SCNN1D: variants seen among roughly 807,000 people sequenced by gnomAD.
SCNN1D encodes the protein epithelial sodium channel subunit delta.
Under a neutral mutation model 87.8 loss-of-function variants are expected in SCNN1D, and 104 were observed. That is an observed-to-expected ratio of 1.18 (90% CI 1.01 to 1.39). The LOEUF (loss-of-function observed/expected upper bound fraction) is 1.39. SCNN1D is among the 40% of genes most tolerant of loss of function. The pLI is 0.00. For missense variants in SCNN1D, 1,324 were observed against 1,093.9 expected (o/e 1.21, Z -2.97); for synonymous variants, 628 against 481.2 (o/e 1.31, Z -3.99).
At chr1:1,284,338 CG>C (rs1159306858) in intron 5 of SCNN1D, among the ~76,000 whole-genome samples, 7 of 79,728 alleles carry the variant, frequency 8.8e-5, no homozygotes, top group South Asian at 3.8e-4. Flanking sequence ...GTGGGGCTGG[CG>C]GGGGGGCTCC....
At chr1:1,287,373 G>A in intron 9 of SCNN1D, 74 bp downstream of exon 9, 2 of 1,494,524 alleles carry the variant, frequency 1.3e-6, no homozygotes, top group Non-Finnish European at 1.8e-6. Context: ...GGGTCCCTCT[G>A]GCTGTATGCT....
At chr1:1,283,613 G>A (rs934622983) in intron 4 of SCNN1D, among the ~76,000 whole-genome samples, 1 of 152,180 alleles carries the variant, frequency 6.6e-6, no homozygotes, top group Non-Finnish European at 1.5e-5. Context: ...CAGGAGAATT[G>A]CTTCAACTCG....
Position 1,291,388 on chromosome 1 carries a change from C to G in SCNN1D, c.2187C>G (p.Leu729=). The change falls in exon 18 of 18, where the codon CTC becomes CTG. Residue 729 remains leucine, a synonymous_variant. Coordinates refer to ENST00000379116, the MANE Select transcript of SCNN1D (RefSeq NM_001130413.4). The stretch of plus-strand genomic sequence containing the variant: ...CCCTGGTGCTAGGCGGCCGCCGGCT[C>G]CGCAGGGCGTGGTTCTCCTGGCCCA... ...ALTLVLGGRR[L]RRAWFSWPRA... is the part of the protein sequence containing the mutation. 2 of 1,608,750 alleles carry G rather than the reference C, an allele frequency of 1.2e-6. No homozygotes were observed. Among genetic ancestry groups the G allele is most frequent in the Non-Finnish European group, 1.7e-6 (2 of 1,178,572 alleles).
chr1:1,287,171 G>C lies in SCNN1D; in HGVS notation c.1182G>C (p.Gln394His). The C allele has an allele frequency of 6.2e-7, 1 of 1,612,074 alleles. No individual in the cohort carries two copies. Among genetic ancestry groups the C allele is most frequent in the Non-Finnish European group, 8.5e-7 (1 of 1,179,472 alleles). ...RGYTSGVAAVQDWYHFHYVDI... is the reference protein window; with the variant it reads ...RGYTSGVAAVHDWYHFHYVDI... ...ACACGTCAGGCGTGGCGGCTGTCCAGGACTGGTACCACTTCCACTATGTGG... is the reference window on the plus strand; with the variant it reads ...ACACGTCAGGCGTGGCGGCTGTCCACGACTGGTACCACTTCCACTATGTGG... The change falls in exon 9 of 18, where the codon CAG becomes CAC. Residue 394 changes from glutamine to histidine, a missense_variant. Transcript: ENST00000379116.
rs374208671 is a variant in SCNN1D, at chr1:1,284,073, G to C, written c.447G>C (p.Gly149=). 59 of 1,189,032 alleles carry C rather than the reference G, an allele frequency of 5.0e-5. No homozygotes were observed. In the African/African-American group the frequency reaches 9.7e-4, roughly 20 times the overall value. The allele number at this position is 1,189,032 out of a possible 1,614,324, so 73.7% of individuals were successfully genotyped here. Residue 149 remains glycine (G), a synonymous_variant, in exon 5 of 18, where the codon GGG becomes GGC. Transcript: ENST00000379116. ...AWTGEWKQPH[G]GALTSRSPGP... The stretch of plus-strand genomic sequence containing the variant: ...CGGGAGAATGGAAGCAGCCACACGG[G>C]GGGGCTCTCACCTCCAGGTACCGTG...
chr1:1,284,546 C>T (rs1279136131), intron 5 of SCNN1D, among the ~76,000 whole-genome samples: 2 of 144,626 alleles, frequency 1.4e-5, no homozygotes, highest in South Asian at 2.2e-4. Context: ...TGCTGGACCA[C>T]GGGGGGTGCA....
At position 1,291,706 on chromosome 1, in the gene SCNN1D, GC is replaced by G; in HGVS notation, c.*99del. 2.2e-6 allele frequency: 2 copies of G among 926,000 alleles called. No individual in the cohort carries two copies. The highest frequency in any genetic ancestry group is 3.1e-6 in the Non-Finnish European group (2 of 642,866). 57.4% of individuals were successfully genotyped at this position (926,000 alleles called of 1,614,324 possible). A position where few individuals can be genotyped will look rare whatever the true frequency, so the allele number is the denominator to read the frequency against. On this transcript the variant is annotated 3_prime_UTR_variant, in exon 18 of 18. Transcript: ENST00000379116. ...CGGCCCAGGGTGGGCCAGACCAGCA[GC>G]CCAGGAAGCAGCACACGCGGCCGTG...
chr1:1,282,303 C>T lies in SCNN1D; in HGVS notation c.339C>T (p.Phe113=). ...SRTSPVAAAS[F]QSRQEARGSI... ...CGTCACCGGTGGCAGCTGCTTCCTTCCAGAGCCGGCAGGCAGGTGACCTCA... is the reference window on the plus strand; with the variant it reads ...CGTCACCGGTGGCAGCTGCTTCCTTTCAGAGCCGGCAGGCAGGTGACCTCA... Residue 113 remains phenylalanine, a synonymous_variant, in exon 4 of 18, where the codon TTC becomes TTT. Coordinates refer to ENST00000379116, the MANE Select transcript of SCNN1D (RefSeq NM_001130413.4). 1.3e-6 allele frequency: 2 copies of T among 1,550,154 alleles called. No homozygotes were observed.
intron 12 of SCNN1D, among the ~76,000 whole-genome samples, chr1:1,289,904 T>C (rs368090121): frequency 0.014 from 266 of 19,532 alleles, 1 homozygote; most frequent in Non-Finnish European, 0.013. Context: ...GTGTCTCTGC[T>C]CCGTCCCGTG....
chr1:1,285,877 G>A (rs1032125651), intron 6 of SCNN1D, 49 bp from the exon 7 acceptor site: 110 of 1,489,022 alleles, frequency 7.4e-5, no homozygotes, highest in Non-Finnish European at 9.4e-5. Flanking sequence ...AGGGTAGGGA[G>A]GCCTGAGTGG....
At position 1,291,852 on chromosome 1, in the gene SCNN1D, G is replaced by A. The variant is rs561815252; in HGVS notation, c.*242G>A. The A allele has an allele frequency of 2.8e-5, 12 of 431,272 alleles. No individual in the cohort carries two copies. The highest frequency in any genetic ancestry group is 1.0e-4 in the East Asian group (3 of 28,634). The allele number at this position is 431,272 out of a possible 1,614,324, so 26.7% of individuals were successfully genotyped here. ...CGCGTGCACACGAGTGCGGCTGGAC[G>A]TGCCGACACGCGGTGATGTACCCAT... On this transcript the variant is annotated 3_prime_UTR_variant, in exon 18 of 18. Transcript: ENST00000379116.
rs748615086 is a variant in SCNN1D, at chr1:1,290,573, G to A, written c.1859+18G>A. On this transcript the variant is annotated intron_variant, in intron 14 of 17. Transcript: ENST00000379116. ...CCCTGCAGGTGAGACGGGGGTGTTG[G>A]GGTCGCGGCCAGGGATCATTGCCCC... 8 of 1,612,500 alleles carry A rather than the reference G, an allele frequency of 5.0e-6. No homozygotes were observed. The East Asian group carries it at 1.1e-4, about 22-fold the overall frequency.
chr1:1,287,049 C>G, intron 8 of SCNN1D, 60 bp from the exon 9 acceptor site: 1 of 1,576,844 alleles, frequency 6.3e-7, no homozygotes, highest in Non-Finnish European at 8.6e-7. Context: ...GCTGGTACCT[C>G]GAGTGGGGAG....
In SCNN1D at chr1:1,281,206, C is replaced by T. The variant is rs949319358; in HGVS notation, c.6-20C>T. The T allele has an allele frequency of 1.3e-6, 2 of 1,534,196 alleles. No homozygotes were observed. The highest frequency in any genetic ancestry group is 1.7e-6 in the Non-Finnish European group (2 of 1,146,526). On this transcript the variant is annotated intron_variant, in intron 1 of 17. Coordinates refer to ENST00000379116, the MANE Select transcript of SCNN1D (RefSeq NM_001130413.4). ...GTCCTGGCTGGGGTCCCACAGATGC[C>T]AGGCGCCTGCCATCTCCAGGGCAGT... is the stretch of plus-strand genomic sequence containing the variant.
intron 6 of SCNN1D, 71 bp downstream of exon 6, chr1:1,285,735 C>G (rs1485340131): frequency 1.5e-6 from 2 of 1,313,018 alleles, no homozygotes; most frequent in Non-Finnish European, 2.1e-6. Context: ...AGCTCCAAGG[C>G]TACACTGAGA....
rs11260579 is a variant in SCNN1D at position 1,286,887 on chromosome 1, G to A, written c.1031G>A (p.Arg344His). Residue 344 changes from arginine (R) to histidine (H), a missense_variant, in exon 8 of 18, where the codon CGC (arginine) becomes CAC (histidine). Transcript: ENST00000379116. ...GRAALSATVP[R>H]HEPPFHLDRE... ...GCCGCCCTCTCCGCCACTGTCCCCC[G>A]CCACGAGCCCCCCTTCCACCTGGAC... 790 of 1,612,070 alleles carry A rather than the reference G, an allele frequency of 4.9e-4. 1 individual carries two copies. The highest frequency in any genetic ancestry group is 5.7e-4 in the Non-Finnish European group (676 of 1,179,838).
chr1:1,288,100 C>T (rs560947033), intron 12 of SCNN1D, 63 bp downstream of exon 12: 178 of 174,028 alleles, frequency 1.0e-3, no homozygotes, highest in African/African-American at 4.2e-3. Context: ...GGGGTGTGGG[C>T]GGGTGGAACG....
chr1:1,283,359 G>C (rs1340560023), intron 4 of SCNN1D, among the ~76,000 whole-genome samples: 1 of 152,134 alleles, frequency 6.6e-6, no homozygotes, highest in Non-Finnish European at 1.5e-5. Context: ...AGTGCTGGGA[G>C]CCCACCACGG....
intron 12 of SCNN1D, 103 bp downstream of exon 12, chr1:1,288,140 C>G (rs942595295): frequency 4.6e-6 from 4 of 874,892 alleles, no homozygotes; most frequent in Non-Finnish European, 6.9e-6. Context: ...TACTAGAGGG[C>G]CTGGGAACGG....
Sources: allele counts gnomAD v4.1 joint callset (sites outside exome capture counted in the v4.1 genomes callset), GRCh38; gene constraint gnomAD v4.1.1; transcripts MANE v1.5; gene names NCBI Gene and HGNC (gene_info 2026-07-23, HGNC 2026-07-21).